The following TOP2A variants were observed in gnomAD, a reference collection of about 807,000 sequenced individuals.
TOP2A encodes DNA topoisomerase II alpha.
Under a neutral mutation model 187.2 loss-of-function variants are expected in TOP2A, and 68 were observed. The ratio of observed to expected loss-of-function variants is 0.36; its 90% CI spans 0.30 to 0.44. The LOEUF is 0.44. Among genes scored for constraint, TOP2A ranks in the 20% least tolerant of loss-of-function variants. The pLI, the probability that TOP2A is intolerant of heterozygous loss-of-function variation, is 1.00. For missense variants in TOP2A, 1,196 were observed against 1,808.7 expected (o/e 0.66, Z 6.14); for synonymous variants, 542 against 593.2 (o/e 0.91, Z 1.25).
intron 16 of TOP2A, among the ~76,000 whole-genome samples, chr17:40,405,442 C>A (rs1255826367): frequency 3.5e-5 from 5 of 144,744 alleles, no homozygotes; most frequent in Non-Finnish European, 1.5e-5. Context: ...TGAGCCACTG[C>A]GCCCGACCTT....
rs200166167 is a variant in TOP2A, at chr17:40,399,172, A to G, written c.3197-41T>C. The G allele has an allele frequency of 2.0e-4, 274 of 1,375,928 alleles. 8 individuals carry two copies. In the Admixed American group the frequency reaches 5.5e-3, roughly 27 times the overall value. 85.2% of individuals were successfully genotyped at this position (1,375,928 alleles called of 1,614,324 possible). A position where few individuals can be genotyped will look rare whatever the true frequency, so the allele number is the denominator to read the frequency against. ...TAAACAGAGATAATGATTTTGAGTA[A>G]TATTTTAGGAAGGGGATAAGGTTTT... On this transcript the variant is annotated intron_variant, in intron 24 of 34. Coordinates refer to ENST00000423485, the MANE Select transcript of TOP2A (RefSeq NM_001067.4).
chr17:40,410,316 G>C (rs917680506), intron 10 of TOP2A, among the ~76,000 whole-genome samples: 1 of 152,158 alleles, frequency 6.6e-6, no homozygotes, highest in African/African-American at 2.4e-5. Context: ...GAGGGGAAGA[G>C]CACTGTGCTT....
chr17:40,393,184 G>A (rs1364904810), intron 29 of TOP2A, among the ~76,000 whole-genome samples: 1 of 152,062 alleles, frequency 6.6e-6, no homozygotes, highest in Non-Finnish European at 1.5e-5. Flanking sequence ...TAATGGGCAT[G>A]GTGGAGTGCG....
In TOP2A at chr17:40,412,960, A is replaced by G. The variant is rs755514918; in HGVS notation, c.588T>C (p.Asp196=). The G allele has an allele frequency of 6.2e-7, 1 of 1,612,078 alleles. No homozygotes were observed. The highest frequency in any genetic ancestry group is 1.3e-5 in the African/African-American group (1 of 74,926). ...CCATCTCACCAGCTCTTCCCATATTATCCATCCATGTCTATGGAAGTAAAG... is the reference window on the plus strand; with the variant it reads ...CCATCTCACCAGCTCTTCCCATATTGTCCATCCATGTCTATGGAAGTAAAG... The part of the protein sequence containing the change: ...YKKMFKQTWM[D]NMGRAGEMEL... The change falls in exon 7 of 35, where the codon GAT becomes GAC. Residue 196 remains aspartate, a synonymous_variant. Transcript: ENST00000423485.
intron 32 of TOP2A, 92 bp from the exon 33 acceptor site, chr17:40,391,732 A>T: frequency 7.9e-7 from 1 of 1,267,286 alleles, no homozygotes; most frequent in Non-Finnish European, 1.1e-6. Context: ...TCCTATTTAA[A>T]CACCAAATAT....
chr17:40,396,899 T>G (rs1167752889), intron 27 of TOP2A, among the ~76,000 whole-genome samples: 3 of 150,490 alleles, frequency 2.0e-5, no homozygotes, highest in Admixed American at 6.6e-5. Flanking sequence ...GTTTTTTTTT[T>G]GTTTTTTTTT....
chr17:40,400,464 C>G (rs1042247283), intron 22 of TOP2A, 55 bp from the exon 23 acceptor site: 2 of 1,602,382 alleles, frequency 1.2e-6, no homozygotes, highest in African/African-American at 2.7e-5. Flanking sequence ...GAATAGTCAA[C>G]AGCAATAGTA....
At chr17:40,390,481 C>T (rs1757355185) in intron 33 of TOP2A, among the ~76,000 whole-genome samples, 2 of 151,796 alleles carry the variant, frequency 1.3e-5, no homozygotes, top group South Asian at 2.1e-4. Context: ...TGAGCAACCG[C>T]GCCTGACCTA....
rs758261174 is a variant in TOP2A at position 40,413,616 on chromosome 17, A to G, written c.342T>C (p.Asn114=). 19 of 1,362,440 alleles carry G rather than the reference A, an allele frequency of 1.4e-5. No individual in the cohort carries two copies. In the South Asian group the frequency reaches 2.9e-4, roughly 21 times the overall value. The allele number at this position is 1,362,440 out of a possible 1,614,324, so 84.4% of individuals were successfully genotyped here. A position where few individuals can be genotyped will look rare whatever the true frequency, so the allele number is the denominator to read the frequency against. The part of the protein sequence containing the change: ...CIRVTIDPEN[N]LISIWNNGKG... The stretch of plus-strand genomic sequence containing the variant: ...TTCCATTATTCCATATACTAATTAA[A>G]TTGTTTTCCCTAAGAAAAAAAGATT... The change falls in exon 5 of 35, where the codon AAT becomes AAC. Residue 114 remains asparagine, a synonymous_variant. Coordinates refer to ENST00000423485, the MANE Select transcript of TOP2A (RefSeq NM_001067.4).
intron 13 of TOP2A, 136 bp downstream of exon 13, chr17:40,407,413 C>CTGAT (rs2035263246): frequency 1.5e-6 from 1 of 679,806 alleles, no homozygotes; most frequent in Admixed American, 3.6e-5. Flanking sequence ...ATAAGCATAT[C>CTGAT]TGATTAGATG....
intron 29 of TOP2A, among the ~76,000 whole-genome samples, chr17:40,393,992 G>A (rs1410310982): frequency 6.8e-6 from 1 of 147,686 alleles, no homozygotes; most frequent in Non-Finnish European, 1.5e-5. Context: ...GCAGGCGGAG[G>A]TTGCAGTGAG....
Position 40,390,100 on chromosome 17 carries a change from A to G in TOP2A, c.4332T>C (p.Asp1444=). Residue 1444 remains aspartate (D), a synonymous_variant, in exon 34 of 35, where the codon GAT becomes GAC. Coordinates refer to ENST00000423485, the MANE Select transcript of TOP2A (RefSeq NM_001067.4). ...GAGAGACACCAGAATTCAAAGCTGGATCCCTTTTAGTTCCTTTTGGGGCAG... is the reference window on the plus strand; with the variant it reads ...GAGAGACACCAGAATTCAAAGCTGGGTCCCTTTTAGTTCCTTTTGGGGCAG... ...KRAAPKGTKR[D]PALNSGVSQK... is the part of the protein sequence containing the mutation. 1 of 1,613,808 alleles carries G rather than the reference A, an allele frequency of 6.2e-7. No homozygotes were observed. The highest frequency in any genetic ancestry group is 8.5e-7 in the Non-Finnish European group (1 of 1,179,834).
At chr17:40,402,026 A>C (rs1451865994) in intron 20 of TOP2A, among the ~76,000 whole-genome samples, 3 of 152,192 alleles carry the variant, frequency 2.0e-5, no homozygotes, top group Non-Finnish European at 4.4e-5. Context: ...TGCTTTAAGA[A>C]AAGATGATAT....
At chr17:40,409,337 C>T (rs1228995734) in intron 10 of TOP2A, 7 of 393,556 alleles carry the variant, frequency 1.8e-5, no homozygotes, top group South Asian at 7.6e-5. Context: ...GATCAAGCCA[C>T]GGCACTCCAG....
intron 27 of TOP2A, among the ~76,000 whole-genome samples, 199 bp downstream of exon 27, chr17:40,398,359 C>T (rs950931678): frequency 5.3e-5 from 8 of 152,038 alleles, no homozygotes; most frequent in Admixed American, 5.2e-4. Context: ...CCAACTCAGC[C>T]TTCCAAAATG....
intron 4 of TOP2A, among the ~76,000 whole-genome samples, chr17:40,415,552 T>A (rs1023152166): frequency 3.9e-5 from 6 of 152,196 alleles, no homozygotes; most frequent in Admixed American, 3.3e-4. Flanking sequence ...TTGAATAGCA[T>A]CATGAGAAAA....
Position 40,416,776 on chromosome 17 carries a change from T to G in TOP2A, c.141A>C (p.Pro47=), listed in dbSNP as rs775176399. 33 of 1,613,438 alleles carry G rather than the reference T, an allele frequency of 2.0e-5. No homozygotes were observed. The East Asian group carries it at 6.9e-4, about 34-fold the overall frequency. The part of the protein sequence containing the change: ...KTQLEHILLR[P]DTYIGSVELV... ...ATTCCACAGAACCAATGTAGGTGTCTGGGCGGAGCAAAATATGTTCCAATT... is the reference window on the plus strand; with the variant it reads ...ATTCCACAGAACCAATGTAGGTGTCGGGGCGGAGCAAAATATGTTCCAATT... Residue 47 remains proline, a synonymous_variant, in exon 2 of 35, where the codon CCA becomes CCC. Coordinates refer to ENST00000423485, the MANE Select transcript of TOP2A (RefSeq NM_001067.4).
chr17:40,414,607 A>C (rs2035367519), intron 4 of TOP2A, among the ~76,000 whole-genome samples: 1 of 152,132 alleles, frequency 6.6e-6, no homozygotes. Context: ...CAATCCCAGC[A>C]CTTTGGGAGG....
At chr17:40,402,062 G>A (rs1385294327) in intron 20 of TOP2A, among the ~76,000 whole-genome samples, 1 of 152,146 alleles carries the variant, frequency 6.6e-6, no homozygotes, top group Non-Finnish European at 1.5e-5. Context: ...ATGAGATGGG[G>A]GTGGCTTAGT....
Sources: gnomAD v4.1 joint callset for allele counts (sites outside exome capture counted in the v4.1 genomes callset) on GRCh38, gnomAD v4.1.1 for gene constraint, MANE v1.5 for transcripts, NCBI Gene and HGNC (gene_info 2026-07-23, HGNC 2026-07-21) for gene names.